The following GAB3 variants were observed in gnomAD, a reference collection of about 807,000 sequenced individuals.
GAB3 encodes the protein GRB2-associated-binding protein 3.
In GAB3, 12 loss-of-function variants were observed where a neutral mutation model predicts 40.4. The ratio of observed to expected loss-of-function variants is 0.30; its 90% confidence interval spans 0.19 to 0.48. The LOEUF (loss-of-function observed/expected upper bound fraction) is 0.48, where lower values mean the gene tolerates loss of function less well. Among genes scored for constraint, GAB3 ranks in the 20% least tolerant of loss-of-function variants. The pLI, the probability that GAB3 is intolerant of heterozygous loss-of-function variation, is 0.99. For missense variants in GAB3, 381 were observed against 461.9 expected, an observed-to-expected ratio of 0.82 and a Z score of 1.61; for synonymous variants, 154 against 176.7, an observed-to-expected ratio of 0.87 and a Z score of 1.02.
intron 2 of GAB3, among the ~76,000 whole-genome samples, chrX:154,714,369 C>T (rs782091628): frequency 2.2e-3 from 242 of 111,878 alleles, no homozygotes; most frequent in African/African-American, 7.5e-3. Flanking sequence ...GGCCATAGAA[C>T]TGCTGTGGGG....
chrX:154,700,126 G>T, intron 4 of GAB3, 67 bp from the exon 5 acceptor site: 2 of 897,894 alleles, frequency 2.2e-6, no homozygotes, highest in Non-Finnish European at 3.2e-6. Context: ...AGTCCAGAGA[G>T]GCAGAGAAGC....
intron 4 of GAB3, among the ~76,000 whole-genome samples, chrX:154,709,845 GA>G (rs1314012611): frequency 6.4e-5 from 7 of 109,709 alleles, no homozygotes; most frequent in African/African-American, 1.3e-4. Context: ...GCTGGGCACA[GA>G]AAAAAAAATA....
chrX:154,743,704 G>T (rs2071480952), intron 1 of GAB3, among the ~76,000 whole-genome samples: 1 of 110,668 alleles, frequency 9.0e-6, no homozygotes, highest in South Asian at 3.8e-4. Flanking sequence ...ACACTCCAGG[G>T]TAACTGCAAA....
At chrX:154,746,509 AAC>A (rs1346640545) in intron 1 of GAB3, among the ~76,000 whole-genome samples, 1 of 112,506 alleles carries the variant, frequency 8.9e-6, no homozygotes, top group African/African-American at 3.2e-5. Context: ...AGATGCAGGA[AAC>A]ACAACAAAAT....
chrX:154,736,411 T>A (rs2071365775), intron 1 of GAB3, among the ~76,000 whole-genome samples: 1 of 112,521 alleles, frequency 8.9e-6, no homozygotes, highest in South Asian at 3.7e-4. Flanking sequence ...ACGATTTTCC[T>A]CCTAATGGAA....
At chrX:154,745,944 C>T (rs782358131) in intron 1 of GAB3, among the ~76,000 whole-genome samples, 16 of 107,788 alleles carry the variant, frequency 1.5e-4, no homozygotes, top group African/African-American at 5.1e-4. Context: ...CCCAGCTACC[C>T]GGGAGGCTGA....
rs2071040405 is a variant in GAB3, at chrX:154,716,036, C to T, written c.366G>A (p.Glu122=). The change falls in exon 2 of 10, where the codon GAG becomes GAA. Residue 122 remains glutamate, a synonymous_variant. Transcript: ENST00000424127. ...CAACTCCGCTCTTACCTGCACCATCCTCCAGGTGGCCAAGGTTGCAGACCT... is the reference window on the plus strand; with the variant it reads ...CAACTCCGCTCTTACCTGCACCATCTTCCAGGTGGCCAAGGTTGCAGACCT... ...ISQVCNLGHL[E]DGAADSMESL... 3 of 1,208,203 alleles carry T rather than the reference C, an allele frequency of 2.5e-6. No homozygotes were observed. Among genetic ancestry groups the T allele is most frequent in the Non-Finnish European group, 3.4e-6 (3 of 893,646 alleles).
rs59885867 is a variant in GAB3 at position 154,713,742 on chromosome X, C to CATATATATAT, written c.377-326_377-317dup. Among the ~76,000 whole-genome samples, 135 of 19,646 alleles carry CATATATATAT rather than the reference C, an allele frequency of 6.9e-3. 11 individuals carry two copies. The highest frequency in any genetic ancestry group is 0.062 in the Middle Eastern group (1 of 16). 17.1% of individuals were successfully genotyped at this position (19,646 alleles called of 115,157 possible). ...ATTGTTTTTTCACTCAACTAACAAACATATATATATATATATATATATATA... is the reference window on the plus strand; with the variant it reads ...ATTGTTTTTTCACTCAACTAACAAACATATATATATATATATATATATATATATATATATA... On this transcript the variant is annotated intron_variant, in intron 2 of 9. Transcript: ENST00000424127.
At chrX:154,709,596 T>G (rs1048665679) in intron 4 of GAB3, among the ~76,000 whole-genome samples, 9 of 109,475 alleles carry the variant, frequency 8.2e-5, no homozygotes, top group Non-Finnish European at 1.5e-4. Flanking sequence ...GGGATTACAG[T>G]CTGAGCCACC....
intron 1 of GAB3, among the ~76,000 whole-genome samples, chrX:154,720,314 T>C (rs2071108280): frequency 1.8e-5 from 2 of 111,950 alleles, no homozygotes; most frequent in Admixed American, 1.9e-4. Context: ...TGCCCGTCAT[T>C]GAATGATGCA....
chrX:154,696,074 G>C (rs1031271492), intron 7 of GAB3, 55 bp from the exon 8 acceptor site: 103 of 736,054 alleles, frequency 1.4e-4, no homozygotes, highest in Non-Finnish European at 1.8e-4. Context: ...TGCTCTGAAA[G>C]CTGGCCAGGA....
rs189748625 is a variant in GAB3, at chrX:154,731,688, G to A, written c.73-15359C>T. Among the ~76,000 whole-genome samples, 303 of 111,501 alleles carry A rather than the reference G, an allele frequency of 2.7e-3. 3 individuals are homozygous for A. The highest frequency in any genetic ancestry group is 9.4e-3 in the African/African-American group (288 of 30,625). On this transcript the variant is annotated intron_variant, in intron 1 of 9. Transcript: ENST00000424127. ...TGCCCAAGCTGAGTGCACAGGTGTG[G>A]TGGCTCCTGGGATTGTCTCTAAAGG... is the stretch of plus-strand genomic sequence containing the variant.
intron 1 of GAB3, among the ~76,000 whole-genome samples, chrX:154,726,773 T>C (rs937072518): frequency 9.8e-5 from 11 of 111,679 alleles, no homozygotes; most frequent in Non-Finnish European, 2.1e-4. Context: ...CATCCTTCCA[T>C]TCTGTAAATA....
chrX:154,691,394 T>G (rs1020145774), intron 8 of GAB3, among the ~76,000 whole-genome samples: 5 of 108,654 alleles, frequency 4.6e-5, no homozygotes, highest in African/African-American at 1.0e-4. Context: ...ATTGTGCACA[T>G]GTACCCTAAA....
intron 1 of GAB3, among the ~76,000 whole-genome samples, chrX:154,724,416 C>T (rs1335754926): frequency 9.0e-6 from 1 of 111,057 alleles, no homozygotes; most frequent in Non-Finnish European, 1.9e-5. Flanking sequence ...TGTTGGCCCC[C>T]AGGGCTCATG....
intron 8 of GAB3, among the ~76,000 whole-genome samples, chrX:154,686,897 C>A (rs1315161127): frequency 2.7e-5 from 3 of 111,331 alleles, no homozygotes; most frequent in Non-Finnish European, 5.7e-5. Flanking sequence ...CAAAGAAAAT[C>A]TGAATAAATG....
chrX:154,702,487 G>A (rs1432207241), intron 4 of GAB3, among the ~76,000 whole-genome samples: 1 of 111,854 alleles, frequency 8.9e-6, no homozygotes, highest in Non-Finnish European at 1.9e-5. Context: ...GGAAAATCTC[G>A]AAGACATTTG....
chrX:154,706,738 C>A lies in GAB3; in HGVS notation c.1069+5491G>T, dbSNP rs192032818. The stretch of plus-strand genomic sequence containing the variant: ...GATCAGCCTGGGCAACATAGCAAGA[C>A]CCTGCCTCTAAAAAAAAAAATTTTT... On this transcript the variant is annotated intron_variant, in intron 4 of 9. Coordinates refer to ENST00000424127, the MANE Select transcript of GAB3 (RefSeq NM_001081573.3). Among the ~76,000 whole-genome samples the A allele has an allele frequency of 5.2e-3, 550 of 105,172 alleles. 2 individuals carry two copies. Among genetic ancestry groups the A allele is most frequent in the Middle Eastern group, 9.2e-3 (2 of 217 alleles). 91.3% of individuals were successfully genotyped at this position (105,172 alleles called of 115,157 possible). A position where few individuals can be genotyped will look rare whatever the true frequency, so the allele number is the denominator to read the frequency against.
At chrX:154,728,288 T>C (rs2071242432) in intron 1 of GAB3, among the ~76,000 whole-genome samples, 1 of 112,160 alleles carries the variant, frequency 8.9e-6, no homozygotes, top group African/African-American at 3.2e-5. Context: ...CTGCTGTCAT[T>C]TCAGCAATGA....
Sources: allele counts gnomAD v4.1 joint callset (sites outside exome capture counted in the v4.1 genomes callset), GRCh38; gene constraint gnomAD v4.1.1; transcripts MANE v1.5; gene names NCBI Gene and HGNC (gene_info 2026-07-23, HGNC 2026-07-21).